The following LMF1 variants were observed in gnomAD, a reference collection of about 807,000 sequenced individuals.
LMF1 encodes the protein transmembrane protein 112.
In LMF1, 68 loss-of-function variants were observed where a neutral mutation model predicts 60.6. The observed-to-expected ratio is 1.12, with a 90% CI of 0.92 to 1.37. The LOEUF is 1.37. Among genes scored for constraint, LMF1 ranks in the 40% most tolerant of loss-of-function variants. The pLI is 0.00. For synonymous variants in LMF1, 418 were observed against 324.7 expected (o/e 1.29, Z -3.09); for missense variants, 948 against 767.2 (o/e 1.24, Z -2.78).
intron 5 of LMF1, among the ~76,000 whole-genome samples, 182 bp downstream of exon 5, chr16:892,825 C>G (rs1217723208): frequency 6.6e-6 from 1 of 152,194 alleles, no homozygotes; most frequent in Admixed American, 6.5e-5. Flanking sequence ...GTCCCCGCAG[C>G]CCCAGCAAGC....
chr16:968,259 G>A (rs1446387160), intron 1 of LMF1: 1 of 152,228 alleles, frequency 6.6e-6, no homozygotes, highest in Admixed American at 6.5e-5. Context: ...CGACAGGGCA[G>A]GCGTTTCTGT....
Position 968,823 on chromosome 16 carries a change from A to G in LMF1, c.193+1965T>C, listed in dbSNP as rs1038829203. 7 of 152,198 alleles carry G rather than the reference A, an allele frequency of 4.6e-5. No individual in the cohort carries two copies. The East Asian group carries it at 1.2e-3, about 25-fold the overall frequency. The allele number at this position is 152,198 out of a possible 1,614,324, so 9.4% of individuals were successfully genotyped here. A position where few individuals can be genotyped will look rare whatever the true frequency, so the allele number is the denominator to read the frequency against. ...ATCAAAGGAGCCTCAGCTCGTTTGA[A>G]AGAGTCTGAGCTGGTTTTATGAAGC... On this transcript the variant is annotated intron_variant, in intron 1 of 10. Transcript: ENST00000262301.
chr16:864,592 G>C (rs866705920), intron 10 of LMF1, among the ~76,000 whole-genome samples: 4 of 151,938 alleles, frequency 2.6e-5, no homozygotes, highest in African/African-American at 9.7e-5. Flanking sequence ...ACTCATTTTT[G>C]ACTTACATTT....
At chr16:970,591 G>A (rs575401940) in intron 1 of LMF1, among the ~76,000 whole-genome samples, 197 bp downstream of exon 1, 1 of 152,204 alleles carries the variant, frequency 6.6e-6, no homozygotes, top group Non-Finnish European at 1.5e-5. Flanking sequence ...GCGGCGACAG[G>A]GGTAGGGCCG....
chr16:965,753 C>A (rs72769433), intron 1 of LMF1, among the ~76,000 whole-genome samples: 28,950 of 152,060 alleles, frequency 0.19, 2,951 homozygotes, highest in African/African-American at 0.25. Flanking sequence ...CAGTATCTGT[C>A]CTGCTGGGCC....
intron 3 of LMF1, among the ~76,000 whole-genome samples, chr16:922,685 T>C (rs1050687440): frequency 2.9e-5 from 4 of 136,288 alleles, no homozygotes; most frequent in African/African-American, 1.1e-4. Flanking sequence ...GGTATTGGTG[T>C]CGTGTTGTTG....
chr16:877,394 G>A lies in LMF1; in HGVS notation c.897+2176C>T, dbSNP rs117228393. The stretch of plus-strand genomic sequence containing the variant: ...GATCAGTCACAGAGACCCTGGCGGC[G>A]CAGGTGGCCTCATGCAGGAGCACTG... On this transcript the variant is annotated intron_variant, in intron 6 of 10. Coordinates refer to ENST00000262301, the MANE Select transcript of LMF1 (RefSeq NM_022773.4). Among the ~76,000 whole-genome samples, 1,026 of 152,296 alleles carry A rather than the reference G, an allele frequency of 6.7e-3. 19 individuals are homozygous for A. Among genetic ancestry groups the A allele is most frequent in the African/African-American group, 0.023 (959 of 41,546 alleles).
At chr16:938,818 G>A (rs918928596) in intron 2 of LMF1, among the ~76,000 whole-genome samples, 2 of 152,200 alleles carry the variant, frequency 1.3e-5, no homozygotes, top group Non-Finnish European at 2.9e-5. Context: ...CTACAGGTAA[G>A]CAATTTAAAA....
At chr16:864,078 G>A (rs949611983) in intron 10 of LMF1, among the ~76,000 whole-genome samples, 2 of 152,126 alleles carry the variant, frequency 1.3e-5, no homozygotes, top group African/African-American at 2.4e-5. Flanking sequence ...TTGATTTGTC[G>A]AGCTCTCCTT....
At chr16:966,360 G>T (rs544315934) in intron 1 of LMF1, among the ~76,000 whole-genome samples, 1 of 152,344 alleles carries the variant, frequency 6.6e-6, no homozygotes, top group South Asian at 2.1e-4. Flanking sequence ...CCCTGGCCGG[G>T]GCGGTTCCCT....
At chr16:954,297 A>G (rs2151476700) in intron 2 of LMF1, 60 bp downstream of exon 2, 1 of 1,500,434 alleles carries the variant, frequency 6.7e-7, no homozygotes, top group Non-Finnish European at 9.2e-7. Context: ...GGACACCTGC[A>G]GTGCCTGTGC....
intron 10 of LMF1, among the ~76,000 whole-genome samples, chr16:858,915 GC>G (rs1466907119): frequency 1.3e-4 from 11 of 84,054 alleles, no homozygotes; most frequent in East Asian, 3.3e-4. Context: ...GGACGGGTGT[GC>G]AGTGGTGTCA....
upstream of LMF1, among the ~76,000 whole-genome samples, chr16:974,094 T>C (rs931186282): frequency 3.3e-5 from 5 of 152,142 alleles, no homozygotes; most frequent in Non-Finnish European, 5.9e-5. Context: ...GAAGGCGCTG[T>C]CACCTGTCGG....
chr16:945,746 A>T (rs2072222736), intron 2 of LMF1, among the ~76,000 whole-genome samples: 1 of 152,154 alleles, frequency 6.6e-6, no homozygotes, highest in Admixed American at 6.5e-5. Flanking sequence ...GAGAAGTAGA[A>T]GGTCTTGGCA....
At chr16:948,982 CAG>C (rs1179182060) in intron 2 of LMF1, among the ~76,000 whole-genome samples, 2 of 85,276 alleles carry the variant, frequency 2.3e-5, no homozygotes, top group African/African-American at 1.3e-4. Context: ...CAGTCAACGA[CAG>C]AGTCAGCCAA....
Position 888,736 on chromosome 16 carries a change from T to TGG in LMF1, c.729+4269_729+4270dup, listed in dbSNP as rs35181727. ...ATGCCCAGTCCAAGGCCAGAAGCAC[T>TGG]GGGGGGGGTCCTAGGTACAGGGGGC... On this transcript the variant is annotated intron_variant, in intron 5 of 10. Coordinates refer to ENST00000262301, the MANE Select transcript of LMF1 (RefSeq NM_022773.4). 8.6e-5 allele frequency among the ~76,000 whole-genome samples: 13 copies of TGG among 152,012 alleles called. No homozygotes were observed. In the South Asian group the frequency reaches 1.7e-3, roughly 19 times the overall value.
intron 2 of LMF1, among the ~76,000 whole-genome samples, chr16:935,944 A>G (rs968852322): frequency 6.6e-6 from 1 of 152,240 alleles, no homozygotes; most frequent in Admixed American, 6.5e-5. Flanking sequence ...TCATTCTTCA[A>G]CCGCATCAGG....
At chr16:975,412 G>A (rs1596183661), upstream of LMF1, among the ~76,000 whole-genome samples, 1 of 152,214 alleles carries the variant, frequency 6.6e-6, no homozygotes, top group Non-Finnish European at 1.5e-5. Flanking sequence ...AGCCCTGCGG[G>A]CTGAGCTCTA....
At chr16:898,851 G>GTATTTT (rs756675218) in intron 4 of LMF1, 1 of 152,188 alleles carries the variant, frequency 6.6e-6, no homozygotes, top group Non-Finnish European at 1.5e-5. Context: ...TGGACTTACT[G>GTATTTT]TATTTTTATT....
Sources: gnomAD v4.1 joint callset for allele counts (sites outside exome capture counted in the v4.1 genomes callset) on GRCh38, gnomAD v4.1.1 for gene constraint, MANE v1.5 for transcripts, NCBI Gene and HGNC (gene_info 2026-07-23, HGNC 2026-07-21) for gene names.